The following HADHA variants were observed in gnomAD, a reference collection of about 807,000 sequenced individuals.
HADHA encodes trifunctional enzyme subunit alpha, mitochondrial.
In HADHA, 59 loss-of-function variants were observed where a neutral mutation model predicts 91.3. That is an observed-to-expected ratio of 0.65 (90% CI 0.52 to 0.80). The LOEUF (loss-of-function observed/expected upper bound fraction) is 0.80, where lower values mean the gene tolerates loss of function less well. Among genes scored for constraint, HADHA ranks in the 30% least tolerant of loss-of-function variants. HADHA has a pLI of 0.00. For synonymous variants in HADHA, 320 were observed against 338.9 expected (o/e 0.94, Z 0.61); for missense variants, 800 against 927.6 (o/e 0.86, Z 1.79).
At chr2:26,224,195 G>A (rs1464395092) in intron 7 of HADHA, among the ~76,000 whole-genome samples, 1 of 152,198 alleles carries the variant, frequency 6.6e-6, no homozygotes, top group Admixed American at 6.5e-5. Flanking sequence ...CTCAACCAGT[G>A]TACCATTCCA....
chr2:26,212,352 G>A (rs1250064151), intron 10 of HADHA: 2 of 553,196 alleles, frequency 3.6e-6, no homozygotes, highest in African/African-American at 3.8e-5. Flanking sequence ...CTCCCAGAAT[G>A]TTGGGATTAC....
intron 7 of HADHA, among the ~76,000 whole-genome samples, chr2:26,223,357 C>T: frequency 6.6e-6 from 1 of 152,090 alleles, no homozygotes; most frequent in South Asian, 2.1e-4. Context: ...ACTAACATGA[C>T]CTCTAATTAG....
intron 7 of HADHA, among the ~76,000 whole-genome samples, chr2:26,228,069 T>C (rs1670525574): frequency 6.6e-6 from 1 of 152,068 alleles, no homozygotes; most frequent in Non-Finnish European, 1.5e-5. Flanking sequence ...ATATCTGTTA[T>C]ATGGACTAGC....
intron 13 of HADHA, among the ~76,000 whole-genome samples, chr2:26,199,548 G>T (rs929245878): frequency 1.3e-5 from 2 of 151,994 alleles, no homozygotes; most frequent in East Asian, 3.9e-4. Flanking sequence ...TCCCTTCCTT[G>T]GACATGTATG....
intron 13 of HADHA, among the ~76,000 whole-genome samples, chr2:26,199,677 C>G (rs1355232114): frequency 6.6e-6 from 1 of 152,202 alleles, no homozygotes; most frequent in East Asian, 1.9e-4. Flanking sequence ...CCAGGCCTAC[C>G]TAGACCTGTG....
intron 6 of HADHA, 125 bp from the exon 7 acceptor site, chr2:26,230,419 T>A (rs1670595417): frequency 4.2e-6 from 3 of 719,890 alleles, no homozygotes; most frequent in Admixed American, 3.9e-5. Context: ...TTATGCTATT[T>A]GTCAACAGCA....
At chr2:26,222,289 A>G (rs1400424127) in intron 7 of HADHA, among the ~76,000 whole-genome samples, 1 of 152,228 alleles carries the variant, frequency 6.6e-6, no homozygotes. Flanking sequence ...TTAGACTTCC[A>G]GTTTCCAGAA....
intron 7 of HADHA, among the ~76,000 whole-genome samples, chr2:26,218,941 A>G (rs145094391): frequency 7.0e-6 from 1 of 142,826 alleles, no homozygotes; most frequent in Non-Finnish European, 1.5e-5. Context: ...TGGGAGGCAG[A>G]GATTGCAGTG....
intron 11 of HADHA, among the ~76,000 whole-genome samples, chr2:26,208,048 C>A (rs1670010425): frequency 6.6e-6 from 1 of 152,170 alleles, no homozygotes; most frequent in Non-Finnish European, 1.5e-5. Context: ...TAAGATGATG[C>A]TAACTTTTTC....
intron 11 of HADHA, among the ~76,000 whole-genome samples, chr2:26,206,850 A>T (rs1669983217): frequency 1.3e-5 from 2 of 152,212 alleles, no homozygotes; most frequent in South Asian, 4.1e-4. Context: ...ATCACTGAGT[A>T]AAAAGTGCAA....
Position 26,191,367 on chromosome 2 carries a change from G to A in HADHA, c.2175C>T (p.Gly725=), listed in dbSNP as rs375399631. Residue 725 remains glycine (G), a synonymous_variant, in exon 20 of 20, where the codon GGC becomes GGT. Coordinates refer to ENST00000380649, the MANE Select transcript of HADHA (RefSeq NM_000182.5). ...TGAGCCGGTCCACTATCTTCTGGGC[G>A]CCATACAGATCCACAAAGCGGAAAG... ...GGPFRFVDLY[G]AQKIVDRLKK... The A allele has an allele frequency of 1.7e-4, 270 of 1,614,144 alleles. 1 individual carries two copies. The highest frequency in any genetic ancestry group is 3.3e-4 in the Middle Eastern group (2 of 6,058).
rs1298548766 is a variant in HADHA at position 26,221,152 on chromosome 2, C to T, written c.677-5977G>A. On this transcript the variant is annotated intron_variant, in intron 7 of 19. Transcript: ENST00000380649. The surrounding 1 kb of genome is among the most constrained non-coding windows in gnomAD (Gnocchi z 4.8). ...TACTCATTTGGGTTGCTATTCCAGC[C>T]CATTTACTGAGTAACTAAAAAAGCT... is the stretch of plus-strand genomic sequence containing the variant. 6.6e-6 allele frequency among the ~76,000 whole-genome samples: 1 copy of T among 152,106 alleles called. No homozygotes were observed. The highest frequency in any genetic ancestry group is 2.4e-5 in the African/African-American group (1 of 41,408).
chr2:26,191,546 C>T lies in HADHA; in HGVS notation c.2083G>A (p.Ala695Thr), dbSNP rs587776501. The T allele has an allele frequency of 3.7e-6, 6 of 1,614,158 alleles. No individual in the cohort carries two copies. The East Asian group carries it at 1.1e-4, about 30-fold the overall frequency. Residue 695 changes from alanine (A) to threonine (T), a missense_variant, in exon 19 of 20, where the codon GCC (alanine) becomes ACC (threonine). Physicochemically the swap from Ala to Thr is moderately conservative, Grantham distance 58. Transcript: ENST00000380649. ...CCGATGTCTCCCTCTGCAGGTGTGG[C>T]CAAGATCCCCTCTTGCAGGCACATG... is the stretch of plus-strand genomic sequence containing the variant. Reference protein sequence around the residue: ...AVMCLQEGILATPAEGDIGAV... With the variant: ...AVMCLQEGILTTPAEGDIGAV...
At chr2:26,192,732 C>G (rs1273693109) in intron 17 of HADHA, among the ~76,000 whole-genome samples, 3 of 151,826 alleles carry the variant, frequency 2.0e-5, no homozygotes, top group African/African-American at 7.3e-5. Context: ...GAGACTCTGT[C>G]TCAAAAAAAA....
Position 26,197,839 on chromosome 2 carries a change from T to G in HADHA, c.1393-62A>C, listed in dbSNP as rs13387855. 668,973 of 841,642 alleles carry G rather than the reference T, an allele frequency of 0.79. 267,410 individuals are homozygous for G. Among genetic ancestry groups the G allele is most frequent in the African/African-American group, 0.93 (56,423 of 60,414 alleles). The allele number at this position is 841,642 out of a possible 1,614,324, so 52.1% of individuals were successfully genotyped here. A position where few individuals can be genotyped will look rare whatever the true frequency, so the allele number is the denominator to read the frequency against. ...GCCTGGGAGATGATTAGAGGCCACA[T>G]CAAAGCTAATGAGTGACACCTGGGC... On this transcript the variant is annotated intron_variant, in intron 13 of 19. Transcript: ENST00000380649.
chr2:26,198,211 C>T (rs931600957), intron 13 of HADHA, among the ~76,000 whole-genome samples: 3 of 152,242 alleles, frequency 2.0e-5, no homozygotes, highest in African/African-American at 7.2e-5. Flanking sequence ...AATGTGCATG[C>T]TTGTCTCATT....
rs768082998 is a variant in HADHA at position 26,234,268 on chromosome 2, T to C, written c.402A>G (p.Thr134=). 22 of 1,613,800 alleles carry C rather than the reference T, an allele frequency of 1.4e-5. 1 individual carries two copies. The highest frequency in any genetic ancestry group is 4.4e-5 in the South Asian group (4 of 91,090). ...CATTGATGGCAGCCACAATAGGCTT[T>C]GTGGACTTTTCAAGTTTCTCAACTA... ...QRIVEKLEKS[T]KPIVAAINGS... The change falls in exon 5 of 20, where the codon ACA becomes ACG. Residue 134 remains threonine, a synonymous_variant. Transcript: ENST00000380649.
At chr2:26,195,968 G>GA (rs1252722844) in intron 14 of HADHA, among the ~76,000 whole-genome samples, 32 of 152,350 alleles carry the variant, frequency 2.1e-4, no homozygotes, top group African/African-American at 6.7e-4. Context: ...GAACTGTGGT[G>GA]AAAGAAGTCT....
intron 7 of HADHA, among the ~76,000 whole-genome samples, chr2:26,217,746 T>C (rs2099401): frequency 0.021 from 3,199 of 150,430 alleles, 114 homozygotes; most frequent in African/African-American, 0.073. Flanking sequence ...ACAAAAAGAA[T>C]TTTTTTTTTA....
Sources: gnomAD v4.1 joint callset for allele counts (sites outside exome capture counted in the v4.1 genomes callset) on GRCh38, gnomAD v4.1.1 for gene constraint, Gnocchi (gnomAD v3.1) non-coding constraint, MANE v1.5 for transcripts, NCBI Gene and HGNC (gene_info 2026-07-23, HGNC 2026-07-21) for gene names.